MACROD2: variants seen among roughly 807,000 people sequenced by gnomAD.
MACROD2 encodes mono-ADP ribosylhydrolase 2, also known as ADP-ribose glycohydrolase MACROD2.
Under a neutral mutation model 70.4 loss-of-function variants are expected in MACROD2, and 36 were observed. The ratio of observed to expected loss-of-function variants is 0.51; its 90% CI spans 0.39 to 0.68. The LOEUF is 0.68. Ranked by LOEUF, MACROD2 falls within the 30% of genes least tolerant of loss-of-function variation. The pLI, the probability that MACROD2 is intolerant of heterozygous loss-of-function variation, is 0.00. For missense variants in MACROD2, 496 were observed against 538.4 expected, an observed-to-expected ratio of 0.92 and a Z score of 0.78; for synonymous variants, 172 against 178.8, an observed-to-expected ratio of 0.96 and a Z score of 0.30.
intron 5 of MACROD2, among the ~76,000 whole-genome samples, chr20:15,183,059 T>C (rs1026312381): frequency 1.3e-5 from 2 of 152,298 alleles, no homozygotes; most frequent in African/African-American, 4.8e-5. Flanking sequence ...CCACCATCTA[T>C]AGAGGTATTT....
Position 14,695,982 on chromosome 20 carries a change from A to C in MACROD2, c.418+11023A>C, listed in dbSNP as rs370903554. 2.6e-5 allele frequency among the ~76,000 whole-genome samples: 4 copies of C among 152,318 alleles called. No homozygotes were observed. In the South Asian group the frequency reaches 8.3e-4, roughly 32 times the overall value. On this transcript the variant is annotated intron_variant, in intron 5 of 17. Transcript: ENST00000684519. ...AAAGCAGGGGAAAGGGCTCACTATCAGAGTGGGGGATATCAATCACATTTT... is the reference window on the plus strand; with the variant it reads ...AAAGCAGGGGAAAGGGCTCACTATCCGAGTGGGGGATATCAATCACATTTT...
intron 5 of MACROD2, among the ~76,000 whole-genome samples, chr20:15,016,146 A>T (rs1193820971): frequency 1.3e-5 from 2 of 152,208 alleles, no homozygotes; most frequent in Non-Finnish European, 2.9e-5. Context: ...GACAACAAGG[A>T]CAGTTCACTT....
chr20:15,346,049 G>A (rs1052518693), intron 6 of MACROD2, among the ~76,000 whole-genome samples: 4 of 152,130 alleles, frequency 2.6e-5, no homozygotes, highest in Non-Finnish European at 5.9e-5. Flanking sequence ...AGCTGTTTGG[G>A]AGGTCTGAAA....
chr20:14,839,285 C>T (rs1008423091), intron 5 of MACROD2, among the ~76,000 whole-genome samples: 13 of 152,042 alleles, frequency 8.6e-5, no homozygotes, highest in Non-Finnish European at 8.8e-5. Context: ...ATTTTGAACT[C>T]CTTTTAGCTT....
intron 4 of MACROD2, among the ~76,000 whole-genome samples, chr20:14,522,014 G>C (rs1181152614): frequency 1.3e-5 from 2 of 152,152 alleles, no homozygotes; most frequent in African/African-American, 4.8e-5. Flanking sequence ...TGCATCTCTA[G>C]GGGGTTAATG....
intron 5 of MACROD2, among the ~76,000 whole-genome samples, chr20:15,043,310 A>C (rs1735819028): frequency 6.6e-6 from 1 of 152,228 alleles, no homozygotes; most frequent in African/African-American, 2.4e-5. Context: ...CAGTGCCTGC[A>C]TTCTTGCATA....
At chr20:14,362,844 A>G (rs2083235280) in intron 3 of MACROD2, among the ~76,000 whole-genome samples, 1 of 152,242 alleles carries the variant, frequency 6.6e-6, no homozygotes, top group African/African-American at 2.4e-5. Context: ...CATAGATAAT[A>G]GTAAAATGTA....
chr20:14,701,184 G>A (rs1364315301), intron 5 of MACROD2, among the ~76,000 whole-genome samples: 1 of 152,142 alleles, frequency 6.6e-6, no homozygotes, highest in Non-Finnish European at 1.5e-5. Context: ...TAGTTATGGA[G>A]CACTCAGGTT....
intron 8 of MACROD2, among the ~76,000 whole-genome samples, chr20:15,613,462 C>T (rs2048997776): frequency 6.6e-6 from 1 of 152,178 alleles, no homozygotes; most frequent in East Asian, 1.9e-4. Context: ...ATCAAACCTT[C>T]ATTTTTTCTC....
At chr20:14,729,546 C>T (rs2071569359) in intron 5 of MACROD2, among the ~76,000 whole-genome samples, 1 of 152,064 alleles carries the variant, frequency 6.6e-6, no homozygotes, top group Non-Finnish European at 1.5e-5. Flanking sequence ...GGGTAAGAAC[C>T]AAAGCCCAGG....
intron 5 of MACROD2, among the ~76,000 whole-genome samples, chr20:14,878,487 A>G (rs1002100814): frequency 1.3e-5 from 2 of 152,126 alleles, no homozygotes; most frequent in African/African-American, 4.8e-5. Context: ...AAGAATTATT[A>G]GTCATTTGAT....
chr20:15,396,400 C>G (rs1311278351), intron 6 of MACROD2, among the ~76,000 whole-genome samples: 2 of 152,178 alleles, frequency 1.3e-5, no homozygotes, highest in Non-Finnish European at 2.9e-5. Context: ...TCACACAACT[C>G]TCATGTGAGA....
chr20:15,232,959 T>G (rs979623111), intron 6 of MACROD2, among the ~76,000 whole-genome samples: 2 of 152,102 alleles, frequency 1.3e-5, no homozygotes, highest in African/African-American at 4.8e-5. Flanking sequence ...AGACCTACTG[T>G]GTACCCTGAC....
At chr20:14,108,133 A>C (rs2054396510) in intron 3 of MACROD2, among the ~76,000 whole-genome samples, 1 of 152,122 alleles carries the variant, frequency 6.6e-6, no homozygotes, top group African/African-American at 2.4e-5. Flanking sequence ...AAGTTAAGGT[A>C]CATGGTAGTT....
intron 5 of MACROD2, among the ~76,000 whole-genome samples, chr20:14,949,309 G>T (rs959811491): frequency 1.3e-5 from 2 of 152,162 alleles, no homozygotes; most frequent in African/African-American, 4.8e-5. Context: ...GCATAGGAAT[G>T]ATACATTATC....
rs116594112 is a variant in MACROD2 at position 14,137,305 on chromosome 20, G to A, written c.271+51577G>A. On this transcript the variant is annotated intron_variant, in intron 3 of 17. Transcript: ENST00000684519. ...GCTAGAGATAAGAAAATGTTATTAA[G>A]AAAGTCATAAGGACTTATAAGGAAA... 4.6e-3 allele frequency among the ~76,000 whole-genome samples: 701 copies of A among 152,242 alleles called. 6 individuals are homozygous for A. Among genetic ancestry groups the A allele is most frequent in the Middle Eastern group, 0.034 (10 of 294 alleles).
At chr20:15,016,601 CCT>C (rs1403904351) in intron 5 of MACROD2, among the ~76,000 whole-genome samples, 1 of 151,646 alleles carries the variant, frequency 6.6e-6, no homozygotes, top group Non-Finnish European at 1.5e-5. Flanking sequence ...GCACGTCCCC[CCT>C]CTCTCTCTCT....
intron 3 of MACROD2, among the ~76,000 whole-genome samples, chr20:14,092,206 G>T (rs2054159185): frequency 6.6e-6 from 1 of 151,638 alleles, no homozygotes; most frequent in Non-Finnish European, 1.5e-5. Flanking sequence ...TTTTTTCTCT[G>T]CTGTTTGAAT....
At chr20:15,447,586 G>C (rs554184360) in intron 7 of MACROD2, among the ~76,000 whole-genome samples, 1 of 152,098 alleles carries the variant, frequency 6.6e-6, no homozygotes, top group Non-Finnish European at 1.5e-5. Context: ...CCTACCCTAG[G>C]CCTGCCATAA....
Sources: gnomAD v4.1 joint callset for allele counts (sites outside exome capture counted in the v4.1 genomes callset) on GRCh38, gnomAD v4.1.1 for gene constraint, MANE v1.5 for transcripts, NCBI Gene and HGNC (gene_info 2026-07-23, HGNC 2026-07-21) for gene names.